PAFAH1B1: variants seen among roughly 807,000 people sequenced by gnomAD.
PAFAH1B1 encodes the protein platelet activating factor acetylhydrolase 1b regulatory subunit 1, also known as platelet-activating factor acetylhydrolase IB subunit beta.
Under a neutral mutation model 57.5 loss-of-function variants are expected in PAFAH1B1, and 2 were observed. The observed-to-expected ratio is 0.03, with a 90% CI of 0.01 to 0.11. The LOEUF is 0.11. Ranked by LOEUF, PAFAH1B1 falls within the 10% of genes least tolerant of loss-of-function variation. The pLI, the probability that PAFAH1B1 is intolerant of heterozygous loss-of-function variation, is 1.00. For missense variants in PAFAH1B1, 257 were observed against 512.0 expected, an observed-to-expected ratio of 0.50 and a Z score of 4.81; for synonymous variants, 152 against 169.6, an observed-to-expected ratio of 0.90 and a Z score of 0.81.
chr17:2,676,352 T>A, intron 8 of PAFAH1B1, 153 bp from the exon 9 acceptor site: 1 of 622,352 alleles, frequency 1.6e-6, no homozygotes, highest in Non-Finnish European at 2.9e-6. Context: ...TACTCCAGCC[T>A]GGGTGACAGA....
At chr17:2,659,447 G>C (rs1477612847) in intron 2 of PAFAH1B1, 2 of 282,154 alleles carry the variant, frequency 7.1e-6, no homozygotes, top group South Asian at 5.5e-5. Context: ...TGAGCCAGGA[G>C]AATCGTGAGG....
At position 2,683,313 on chromosome 17, in the gene PAFAH1B1, T is replaced by G. The variant is rs950263381; in HGVS notation, c.*1511T>G. On this transcript the variant is annotated 3_prime_UTR_variant, in exon 11 of 11. Coordinates refer to ENST00000397195, the MANE Select transcript of PAFAH1B1 (RefSeq NM_000430.4). ...GCTTAGCTAACCAACAGGTTTTTTT[T>G]GTTTCCAAGAGAGTTATTTGAAAAG... is the stretch of plus-strand genomic sequence containing the variant. 2 of 152,228 alleles carry G rather than the reference T, an allele frequency of 1.3e-5. No homozygotes were observed. The highest frequency in any genetic ancestry group is 4.8e-5 in the African/African-American group (2 of 41,472). The allele number at this position is 152,228 out of a possible 1,614,324, so 9.4% of individuals were successfully genotyped here.
chr17:2,636,320 C>A (rs1382386563), intron 1 of PAFAH1B1, among the ~76,000 whole-genome samples: 3 of 152,244 alleles, frequency 2.0e-5, no homozygotes, highest in African/African-American at 7.2e-5. Context: ...TCAGAAGAAT[C>A]CTTAAGGATT....
At position 2,594,140 on chromosome 17, in the gene PAFAH1B1, G is replaced by A. The variant is rs1236914109; in HGVS notation, c.-191+134G>A. The A allele has an allele frequency of 4.6e-5, 18 of 392,792 alleles. 1 individual carries two copies. In the East Asian group the frequency reaches 6.1e-4, roughly 13 times the overall value. 24.3% of individuals were successfully genotyped at this position (392,792 alleles called of 1,614,324 possible). A position where few individuals can be genotyped will look rare whatever the true frequency, so the allele number is the denominator to read the frequency against. On this transcript the variant is annotated intron_variant, in intron 1 of 10. Transcript: ENST00000397195. ...CCCATTCTCCCCTCCCCCTGCCTCC[G>A]CCGCCGCCTCCTCCTTCTTCTTCTC...
intron 5 of PAFAH1B1, among the ~76,000 whole-genome samples, chr17:2,668,628 A>G (rs915108584): frequency 1.3e-5 from 2 of 152,052 alleles, no homozygotes; most frequent in African/African-American, 4.8e-5. Flanking sequence ...GCAGTGAGCT[A>G]TGATTGAGCC....
chr17:2,676,575 A>G lies in PAFAH1B1; in HGVS notation c.971A>G (p.Asp324Gly). The change falls in exon 9 of 11, where the codon GAT becomes GGT. Residue 324 changes from aspartate to glycine, a missense_variant. Coordinates refer to ENST00000397195, the MANE Select transcript of PAFAH1B1 (RefSeq NM_000430.4). ...AGAGACAAGACTATTAAGATGTGGGATGTCAGTACTGGCATGTGCCTTATG... is the reference window on the plus strand; with the variant it reads ...AGAGACAAGACTATTAAGATGTGGGGTGTCAGTACTGGCATGTGCCTTATG... ...GSRDKTIKMWDVSTGMCLMTL... is the reference protein window; with the variant it reads ...GSRDKTIKMWGVSTGMCLMTL... 6.2e-7 allele frequency: 1 copy of G among 1,612,116 alleles called. No individual in the cohort carries two copies. Among genetic ancestry groups the G allele is most frequent in the Non-Finnish European group, 8.5e-7 (1 of 1,178,172 alleles).
At chr17:2,620,745 C>G (rs577583954) in intron 1 of PAFAH1B1, among the ~76,000 whole-genome samples, 59 of 152,020 alleles carry the variant, frequency 3.9e-4, no homozygotes, top group Admixed American at 1.1e-3. Context: ...ACCTGTAATC[C>G]TAGCTACTCG....
chr17:2,674,178 G>A lies in PAFAH1B1; in HGVS notation c.790G>A (p.Ala264Thr). The part of the protein sequence containing the change: ...NDQTVRVWVV[A>T]TKECKAELRE... Reference sequence around the variant, plus strand: ...CCAGACTGTGCGTGTATGGGTCGTAGCAACAAAGGAATGCAAGGCTGAGCT... The same window carrying A: ...CCAGACTGTGCGTGTATGGGTCGTAACAACAAAGGAATGCAAGGCTGAGCT... The change falls in exon 8 of 11, where the codon GCA becomes ACA. Residue 264 changes from alanine to threonine, a missense_variant. Coordinates refer to ENST00000397195, the MANE Select transcript of PAFAH1B1 (RefSeq NM_000430.4). 1 of 1,614,110 alleles carries A rather than the reference G, an allele frequency of 6.2e-7. No individual in the cohort carries two copies. The highest frequency in any genetic ancestry group is 8.5e-7 in the Non-Finnish European group (1 of 1,179,996).
At chr17:2,594,032 C>T in intron 1 of PAFAH1B1, 26 bp downstream of exon 1, 2 of 398,516 alleles carry the variant, frequency 5.0e-6, no homozygotes, top group Non-Finnish European at 8.8e-6. Flanking sequence ...TCTGCGCCCT[C>T]CCCTCTGTCT....
At chr17:2,653,358 A>G (rs924582266) in intron 2 of PAFAH1B1, among the ~76,000 whole-genome samples, 3 of 152,140 alleles carry the variant, frequency 2.0e-5, no homozygotes, top group Admixed American at 6.6e-5. Context: ...AACATGGCAC[A>G]TGTATACATA....
intron 1 of PAFAH1B1, among the ~76,000 whole-genome samples, chr17:2,623,741 C>T (rs2068453342): frequency 1.6e-5 from 2 of 126,766 alleles, no homozygotes. Context: ...GATTCTCCTG[C>T]CTCAGCCTCC....
At position 2,663,619 on chromosome 17, in the gene PAFAH1B1, G is replaced by A. The variant is rs1342167095; in HGVS notation, c.33-1753G>A. On this transcript the variant is annotated intron_variant, in intron 2 of 10. Transcript: ENST00000397195. ...GGTAGTACACCTTGCTGAAGTTAAA[G>A]GTTCTACATTAACTGGATCAGATTG... Among the ~76,000 whole-genome samples the A allele has an allele frequency of 2.0e-5, 3 of 151,882 alleles. No homozygotes were observed. In the East Asian group the frequency reaches 5.8e-4, roughly 29 times the overall value.
intron 1 of PAFAH1B1, among the ~76,000 whole-genome samples, chr17:2,602,136 A>T (rs968842037): frequency 4.0e-5 from 6 of 151,520 alleles, no homozygotes; most frequent in African/African-American, 7.3e-5. Flanking sequence ...ACGTAAAGAT[A>T]AAAAAAAACC....
chr17:2,682,676 T>G lies in PAFAH1B1; in HGVS notation c.*874T>G, dbSNP rs1395708528. On this transcript the variant is annotated 3_prime_UTR_variant, in exon 11 of 11. Transcript: ENST00000397195. ...GTCATGGTACAAATCACTATTCGTTTTTGGTGTTTTTTAGGGATGTGCAAT... is the reference window on the plus strand; with the variant it reads ...GTCATGGTACAAATCACTATTCGTTGTTGGTGTTTTTTAGGGATGTGCAAT... 6.6e-6 allele frequency: 1 copy of G among 152,644 alleles called. No individual in the cohort carries two copies. The highest frequency in any genetic ancestry group is 2.4e-5 in the African/African-American group (1 of 41,456). The allele number at this position is 152,644 out of a possible 1,614,324, so 9.5% of individuals were successfully genotyped here. A position where few individuals can be genotyped will look rare whatever the true frequency, so the allele number is the denominator to read the frequency against.
chr17:2,661,060 G>A (rs1176253488), intron 2 of PAFAH1B1, among the ~76,000 whole-genome samples: 1 of 152,020 alleles, frequency 6.6e-6, no homozygotes, highest in Non-Finnish European at 1.5e-5. Context: ...CTTTTGAGAA[G>A]TGTCTGTTCA....
At chr17:2,612,822 C>G (rs542648756) in intron 1 of PAFAH1B1, among the ~76,000 whole-genome samples, 1 of 151,828 alleles carries the variant, frequency 6.6e-6, no homozygotes, top group South Asian at 2.1e-4. Context: ...TTTGCCCAGG[C>G]TGGTCTCAGA....
intron 1 of PAFAH1B1, among the ~76,000 whole-genome samples, chr17:2,619,534 C>CTGTTTTTCTTTGTTTTTTTTT (rs1555521954): frequency 6.7e-6 from 1 of 149,190 alleles, no homozygotes; most frequent in Non-Finnish European, 1.5e-5. Flanking sequence ...TGGCCCTTAC[C>CTGTTTTTCTTTGTTTTTTTTT]TGTTTTTTTT....
chr17:2,659,484 G>T, intron 2 of PAFAH1B1: 1 of 194,628 alleles, frequency 5.1e-6, no homozygotes, highest in South Asian at 5.4e-5. Context: ...TTGTGCCACT[G>T]CATTCCAGCC....
In PAFAH1B1 at chr17:2,664,665, G is replaced by GCGCGCTCTCTCTCTCTCTCTCTCTCT; in HGVS notation, c.33-706_33-705insGCGCTCTCTCTCTCTCTCTCTCTCTC. Among the ~76,000 whole-genome samples, 140 of 86,070 alleles carry GCGCGCTCTCTCTCTCTCTCTCTCTCT rather than the reference G, an allele frequency of 1.6e-3. 5 individuals carry two copies. Among genetic ancestry groups the GCGCGCTCTCTCTCTCTCTCTCTCTCT allele is most frequent in the South Asian group, 3.6e-3 (8 of 2,248 alleles). The allele number at this position is 86,070 out of a possible 152,430, so 56.5% of individuals were successfully genotyped here. On this transcript the variant is annotated intron_variant, in intron 2 of 10. Coordinates refer to ENST00000397195, the MANE Select transcript of PAFAH1B1 (RefSeq NM_000430.4). ...TGATATATATCTATATCTATCTATC[G>GCGCGCTCTCTCTCTCTCTCTCTCTCT]CTCTCTCTCTCTCTCTCTCTCTCTC...
Sources: allele counts gnomAD v4.1 joint callset (sites outside exome capture counted in the v4.1 genomes callset), GRCh38; gene constraint gnomAD v4.1.1; transcripts MANE v1.5; gene names NCBI Gene and HGNC (gene_info 2026-07-23, HGNC 2026-07-21).